DIP2B: variants seen among roughly 807,000 people sequenced by gnomAD.
DIP2B encodes disco-interacting protein 2 homolog B.
Under a neutral mutation model 198.0 loss-of-function variants are expected in DIP2B, and 76 were observed. The ratio of observed to expected loss-of-function variants is 0.38; its 90% CI spans 0.32 to 0.46. The LOEUF (loss-of-function observed/expected upper bound fraction) is 0.46. Ranked by LOEUF, DIP2B falls within the 20% of genes least tolerant of loss-of-function variation. The pLI, the probability that DIP2B is intolerant of heterozygous loss-of-function variation, is 0.99. For synonymous variants in DIP2B, 701 were observed against 739.1 expected, an observed-to-expected ratio of 0.95 and a Z score of 0.84; for missense variants, 1,559 against 1,978.4, an observed-to-expected ratio of 0.79 and a Z score of 4.02.
chr12:50,644,847 T>C (rs1252732395), intron 3 of DIP2B, among the ~76,000 whole-genome samples: 7 of 152,202 alleles, frequency 4.6e-5, no homozygotes, highest in Admixed American at 1.3e-4. Flanking sequence ...CAGTTTGCCA[T>C]TACATATTTC....
rs1430670324 is a variant in DIP2B at position 50,746,358 on chromosome 12, ATAT to A, written c.*1524_*1526del. 1 of 152,204 alleles carries A rather than the reference ATAT, an allele frequency of 6.6e-6. No homozygotes were observed. The allele number at this position is 152,204 out of a possible 1,614,324, so 9.4% of individuals were successfully genotyped here. On this transcript the variant is annotated 3_prime_UTR_variant, in exon 38 of 38. Transcript: ENST00000301180. ...TTTATTTAGACTATTTTAATAATAC[ATAT>A]TATTTACCCCACTGTAACATCATGT...
intron 30 of DIP2B, among the ~76,000 whole-genome samples, chr12:50,730,410 G>T (rs1940021478): frequency 7.0e-6 from 1 of 142,728 alleles, no homozygotes; most frequent in South Asian, 2.2e-4. Context: ...AAGGAGACAG[G>T]GTCTCAATCT....
chr12:50,539,125 A>G (rs991711857), intron 1 of DIP2B, among the ~76,000 whole-genome samples: 87 of 152,072 alleles, frequency 5.7e-4, no homozygotes, highest in Non-Finnish European at 6.2e-4. Flanking sequence ...GGAAGCTTTT[A>G]GGGTTTGCTT....
intron 1 of DIP2B, among the ~76,000 whole-genome samples, chr12:50,587,767 A>T (rs574753561): frequency 6.6e-6 from 1 of 152,312 alleles, no homozygotes; most frequent in South Asian, 2.1e-4. Context: ...TCTGCCACTC[A>T]TGCTTCTCTC....
chr12:50,725,855 C>CTTT (rs74550223), intron 28 of DIP2B, among the ~76,000 whole-genome samples: 5 of 140,190 alleles, frequency 3.6e-5, no homozygotes, highest in African/African-American at 1.3e-4. Flanking sequence ...CCTCCCTACC[C>CTTT]TTTTTTTTTT....
intron 1 of DIP2B, among the ~76,000 whole-genome samples, chr12:50,600,895 C>G (rs1041703223): frequency 1.7e-4 from 7 of 41,404 alleles, no homozygotes; most frequent in Non-Finnish European, 2.3e-4. Flanking sequence ...TGACCACCAT[C>G]ACCACCACCA....
chr12:50,698,147 C>T (rs1939351261), intron 17 of DIP2B, among the ~76,000 whole-genome samples, 181 bp from the exon 18 acceptor site: 1 of 152,198 alleles, frequency 6.6e-6, no homozygotes, highest in Non-Finnish European at 1.5e-5. Context: ...CCTCCTGCCA[C>T]AGCAGTTGCT....
intron 3 of DIP2B, 89 bp from the exon 4 acceptor site, chr12:50,660,105 T>A (rs77672672): frequency 3.1e-5 from 37 of 1,189,894 alleles, no homozygotes; most frequent in Admixed American, 6.2e-5. Flanking sequence ...TTTTTTTTTT[T>A]AAACAATTGA....
chr12:50,658,871 A>C (rs1206332472), intron 3 of DIP2B, among the ~76,000 whole-genome samples: 1 of 151,958 alleles, frequency 6.6e-6, no homozygotes, highest in African/African-American at 2.4e-5. Context: ...GGCAGATGAC[A>C]AGGTCAGGAG....
intron 1 of DIP2B, among the ~76,000 whole-genome samples, chr12:50,620,690 A>G (rs184575944): frequency 1.3e-4 from 20 of 152,358 alleles, no homozygotes; most frequent in African/African-American, 4.3e-4. Context: ...TGCAAATTTT[A>G]TATAGGTATC....
At chr12:50,626,980 A>G (rs927222934) in intron 2 of DIP2B, among the ~76,000 whole-genome samples, 1 of 152,194 alleles carries the variant, frequency 6.6e-6, no homozygotes, top group Non-Finnish European at 1.5e-5. Flanking sequence ...AAATACCTTC[A>G]TAGAGAAACT....
chr12:50,705,111 G>A (rs1253096971), intron 20 of DIP2B, among the ~76,000 whole-genome samples: 3 of 152,198 alleles, frequency 2.0e-5, no homozygotes, highest in African/African-American at 7.2e-5. Flanking sequence ...GAGGGGCTTT[G>A]CATGACATCA....
At chr12:50,610,744 G>A (rs1395461457) in intron 1 of DIP2B, among the ~76,000 whole-genome samples, 3 of 151,362 alleles carry the variant, frequency 2.0e-5, no homozygotes, top group Non-Finnish European at 2.9e-5. Flanking sequence ...CTGACCTCGT[G>A]ATCTGCCCGC....
intron 2 of DIP2B, among the ~76,000 whole-genome samples, chr12:50,630,311 G>C (rs947873067): frequency 3.9e-5 from 6 of 151,990 alleles, no homozygotes; most frequent in Non-Finnish European, 5.9e-5. Context: ...TATTCTCTTT[G>C]TTTGTAAACC....
chr12:50,643,379 G>A (rs1938293385), intron 3 of DIP2B, among the ~76,000 whole-genome samples: 1 of 144,652 alleles, frequency 6.9e-6, no homozygotes, highest in Non-Finnish European at 1.5e-5. Context: ...TGTAACAATT[G>A]TATGTTAATC....
chr12:50,739,692 C>T lies in DIP2B; in HGVS notation c.4354+106C>T, dbSNP rs1020817223. ...GTGGAGTGTGTCTATTTAGTTACTC[C>T]CTTCGGTGACTCTTAAACCCATAAG... On this transcript the variant is annotated intron_variant, in intron 36 of 37. Coordinates refer to ENST00000301180, the MANE Select transcript of DIP2B (RefSeq NM_173602.3). The T allele has an allele frequency of 1.2e-5, 16 of 1,323,238 alleles. No homozygotes were observed. The East Asian group carries it at 2.9e-4, about 24-fold the overall frequency. The allele number at this position is 1,323,238 out of a possible 1,614,324, so 82.0% of individuals were successfully genotyped here. A position where few individuals can be genotyped will look rare whatever the true frequency, so the allele number is the denominator to read the frequency against.
chr12:50,695,376 A>C lies in DIP2B; in HGVS notation c.1813+16A>C, dbSNP rs752784964. ...GCTCACAAAGGTAGTCACCTGCAAC[A>C]TCTGAGCTTTAATTATGTGACTGTT... is the stretch of plus-strand genomic sequence containing the variant. On this transcript the variant is annotated intron_variant, in intron 15 of 37. Coordinates refer to ENST00000301180, the MANE Select transcript of DIP2B (RefSeq NM_173602.3). 7 of 1,593,020 alleles carry C rather than the reference A, an allele frequency of 4.4e-6. No homozygotes were observed. Among genetic ancestry groups the C allele is most frequent in the Non-Finnish European group, 4.3e-6 (5 of 1,165,560 alleles).
intron 1 of DIP2B, among the ~76,000 whole-genome samples, chr12:50,555,790 CCCTGAGCAGAGTAGGGAGGCCCCTT>C: frequency 6.6e-6 from 1 of 151,958 alleles, no homozygotes; most frequent in Non-Finnish European, 1.5e-5. Context: ...CTAGGGGCCT[CCCTGAGCAGAGTAGGGAGGCCCCTT>C]CTTTCCTTTT....
At chr12:50,661,003 T>G (rs1938636504) in intron 4 of DIP2B, among the ~76,000 whole-genome samples, 1 of 152,314 alleles carries the variant, frequency 6.6e-6, no homozygotes, top group South Asian at 2.1e-4. Context: ...TAAAGAGTTA[T>G]AACTTCATAT....
Sources: allele counts gnomAD v4.1 joint callset (sites outside exome capture counted in the v4.1 genomes callset), GRCh38; gene constraint gnomAD v4.1.1; transcripts MANE v1.5; gene names NCBI Gene and HGNC (gene_info 2026-07-23, HGNC 2026-07-21).